The following KLHL1 variants were observed in gnomAD, a reference collection of about 807,000 sequenced individuals.
The protein encoded by KLHL1 is kelch like family member 1, also known as kelch-like protein 1.
A neutral mutation model predicts 77.7 loss-of-function variants in KLHL1; 47 were observed. That is an observed-to-expected ratio of 0.60 (90% CI 0.48 to 0.77). KLHL1 has a LOEUF of 0.77. Ranked by LOEUF, KLHL1 falls within the 30% of genes least tolerant of loss-of-function variation. The probability of loss-of-function intolerance (pLI) is 0.00; values close to 1 mark genes in which losing one functional copy is unlikely to be tolerated. For missense variants in KLHL1, 925 were observed against 910.8 expected, an observed-to-expected ratio of 1.02 and a Z score of -0.20; for synonymous variants, 360 against 325.2, an observed-to-expected ratio of 1.11 and a Z score of -1.15.
chr13:69,908,910 T>G (rs1882137489), intron 4 of KLHL1, among the ~76,000 whole-genome samples: 1 of 150,176 alleles, frequency 6.7e-6, no homozygotes, highest in African/African-American at 2.4e-5. Flanking sequence ...ATTTTCCATA[T>G]ATATTTTAAA....
chr13:69,869,692 T>C (rs79304704), intron 5 of KLHL1, among the ~76,000 whole-genome samples: 6,763 of 152,280 alleles, frequency 0.044, 206 homozygotes, highest in African/African-American at 0.072. Flanking sequence ...TAATAAACTA[T>C]ATTTTTCTGA....
intron 5 of KLHL1, among the ~76,000 whole-genome samples, chr13:69,869,221 C>T (rs764403378): frequency 2.6e-5 from 4 of 151,844 alleles, no homozygotes; most frequent in South Asian, 2.1e-4. Flanking sequence ...TGATAATAGC[C>T]GATCCTTACT....
At chr13:69,906,324 G>A (rs1566386887) in intron 4 of KLHL1, among the ~76,000 whole-genome samples, 1 of 151,966 alleles carries the variant, frequency 6.6e-6, no homozygotes, top group Non-Finnish European at 1.5e-5. Context: ...CAGTGGTCAA[G>A]GAAAGGCGTA....
intron 4 of KLHL1, among the ~76,000 whole-genome samples, chr13:69,932,360 T>C (rs976394062): frequency 7.2e-5 from 11 of 151,814 alleles, no homozygotes; most frequent in African/African-American, 2.7e-4. Flanking sequence ...AAGACTGTGC[T>C]TTATAAGTTG....
At chr13:69,831,577 G>T (rs1426475561) in intron 6 of KLHL1, among the ~76,000 whole-genome samples, 1 of 149,860 alleles carries the variant, frequency 6.7e-6, no homozygotes, top group Admixed American at 6.7e-5. Flanking sequence ...GAGAAGGAGA[G>T]AATCCTCTGT....
At chr13:70,045,114 G>C (rs2137384241) in intron 1 of KLHL1, among the ~76,000 whole-genome samples, 1 of 152,202 alleles carries the variant, frequency 6.6e-6, no homozygotes, top group East Asian at 1.9e-4. Context: ...CCAAAGTCAA[G>C]ATACAACTCA....
chr13:69,930,376 A>T (rs1208519502), intron 4 of KLHL1, among the ~76,000 whole-genome samples: 1 of 151,864 alleles, frequency 6.6e-6, no homozygotes, highest in Non-Finnish European at 1.5e-5. Flanking sequence ...CAACTAAACC[A>T]TTACAAAGTA....
At chr13:69,740,800 C>T (rs1873957280) in intron 7 of KLHL1, among the ~76,000 whole-genome samples, 1 of 152,074 alleles carries the variant, frequency 6.6e-6, no homozygotes, top group Admixed American at 6.6e-5. Context: ...ATAGAAACTA[C>T]CTACCATTAA....
intron 1 of KLHL1, among the ~76,000 whole-genome samples, chr13:70,026,263 AT>A (rs972152910): frequency 2.0e-5 from 3 of 152,086 alleles, no homozygotes; most frequent in African/African-American, 4.8e-5. Context: ...TTTATAACTG[AT>A]TTTTTTAAAA....
intron 7 of KLHL1, among the ~76,000 whole-genome samples, chr13:69,782,829 G>A (rs576404787): frequency 5.9e-4 from 90 of 152,310 alleles, no homozygotes; most frequent in South Asian, 4.1e-4. Context: ...CTCCCAGCAC[G>A]CAGCTGGTGA....
At chr13:69,962,681 A>G (rs1884102383) in intron 2 of KLHL1, among the ~76,000 whole-genome samples, 1 of 151,910 alleles carries the variant, frequency 6.6e-6, no homozygotes, top group Non-Finnish European at 1.5e-5. Flanking sequence ...GATATTTTAG[A>G]ATGAAAAAAA....
intron 1 of KLHL1, among the ~76,000 whole-genome samples, chr13:70,023,467 T>A: frequency 6.6e-6 from 1 of 151,986 alleles, no homozygotes; most frequent in East Asian, 1.9e-4. Flanking sequence ...CCAATAAAAT[T>A]AATAATAATT....
chr13:70,038,936 G>A (rs1886306052), intron 1 of KLHL1, among the ~76,000 whole-genome samples: 4 of 151,970 alleles, frequency 2.6e-5, no homozygotes, highest in African/African-American at 9.7e-5. Flanking sequence ...TCCAATTATG[G>A]TCTGAATTTC....
chr13:69,792,598 T>A (rs1481908054), intron 7 of KLHL1, among the ~76,000 whole-genome samples: 3 of 152,124 alleles, frequency 2.0e-5, no homozygotes, highest in Non-Finnish European at 4.4e-5. Flanking sequence ...AAAAGGCATA[T>A]ATAGTAGTTT....
chr13:69,919,964 A>T (rs1882579087), intron 4 of KLHL1, among the ~76,000 whole-genome samples: 1 of 152,114 alleles, frequency 6.6e-6, no homozygotes, highest in Admixed American at 6.6e-5. Context: ...ACTTCTTCAC[A>T]TAACTCACTT....
chr13:69,717,486 C>T (rs1872819700), intron 9 of KLHL1, among the ~76,000 whole-genome samples: 1 of 152,130 alleles, frequency 6.6e-6, no homozygotes, highest in African/African-American at 2.4e-5. Context: ...CACTGCACTC[C>T]TATAACTCAA....
In KLHL1 at chr13:70,087,849, G is replaced by A. The variant is rs979260723; in HGVS notation, c.497+19354C>T. Reference sequence around the variant, plus strand: ...CTATCTCTGAACCTCCACCTTCTAGGAGGAAGTAGGATTACAAATAGATGC... The same window carrying A: ...CTATCTCTGAACCTCCACCTTCTAGAAGGAAGTAGGATTACAAATAGATGC... On this transcript the variant is annotated intron_variant, in intron 1 of 10. Transcript: ENST00000377844. Among the ~76,000 whole-genome samples, 8 of 152,214 alleles carry A rather than the reference G, an allele frequency of 5.3e-5. No homozygotes were observed. The South Asian group carries it at 1.0e-3, about 20-fold the overall frequency.
chr13:69,765,090 T>C (rs1377436269), intron 7 of KLHL1, among the ~76,000 whole-genome samples: 1 of 151,678 alleles, frequency 6.6e-6, no homozygotes, highest in African/African-American at 2.4e-5. Flanking sequence ...TACCTGGGAT[T>C]GTAGGCATGT....
chr13:70,001,581 G>GCCTATCTA (rs1555289471), intron 1 of KLHL1, among the ~76,000 whole-genome samples: 1 of 146,618 alleles, frequency 6.8e-6, no homozygotes, highest in Non-Finnish European at 1.5e-5. Context: ...TGATCTATGT[G>GCCTATCTA]TCTATCTATC....
Sources: allele counts gnomAD v4.1 joint callset (sites outside exome capture counted in the v4.1 genomes callset), GRCh38; gene constraint gnomAD v4.1.1; transcripts MANE v1.5; gene names NCBI Gene and HGNC (gene_info 2026-07-23, HGNC 2026-07-21).